OPRL1: variants seen among roughly 807,000 people sequenced by gnomAD.
OPRL1 encodes the protein opioid related nociceptin receptor 1.
A neutral mutation model predicts 15.5 loss-of-function variants in OPRL1; 5 were observed. The ratio of observed to expected loss-of-function variants is 0.32; its 90% confidence interval spans 0.17 to 0.68. The LOEUF (loss-of-function observed/expected upper bound fraction) is 0.68, where lower values mean the gene tolerates loss of function less well. Among genes scored for constraint, OPRL1 ranks in the 30% least tolerant of loss-of-function variants. The pLI, the probability that OPRL1 is intolerant of heterozygous loss-of-function variation, is 0.72. For synonymous variants in OPRL1, 223 were observed against 230.2 expected, an observed-to-expected ratio of 0.97 and a Z score of 0.28; for missense variants, 406 against 515.3, an observed-to-expected ratio of 0.79 and a Z score of 2.05.
In OPRL1 at chr20:64,097,666, G is replaced by A. The variant is rs886154383; in HGVS notation, c.234-136G>A. The A allele has an allele frequency of 2.6e-6, 2 of 754,918 alleles. No homozygotes were observed. Among genetic ancestry groups the A allele is most frequent in the East Asian group, 4.9e-5 (2 of 40,580 alleles). The allele number at this position is 754,918 out of a possible 1,614,324, so 46.8% of individuals were successfully genotyped here. Reference sequence around the variant, plus strand: ...GGGTCCAGGAGCTATCACTTACCAAGCCCCCATGGGAACTCTGATGTTAAG... The same window carrying A: ...GGGTCCAGGAGCTATCACTTACCAAACCCCCATGGGAACTCTGATGTTAAG... On this transcript the variant is annotated intron_variant, in intron 3 of 4. Coordinates refer to ENST00000336866, the MANE Select transcript of OPRL1 (RefSeq NM_182647.4). This position sits in a 1 kb window ranked among gnomAD's most constrained non-coding sequence, Gnocchi z 4.2.
chr20:64,093,160 C>G (rs1037220410), intron 3 of OPRL1, among the ~76,000 whole-genome samples: 1 of 151,700 alleles, frequency 6.6e-6, no homozygotes, highest in Non-Finnish European at 1.5e-5. Flanking sequence ...GGGGGCTGGC[C>G]CTGGCCCACC....
At position 64,083,404 on chromosome 20, in the gene OPRL1, G is replaced by C. The variant is rs1422087178; in HGVS notation, c.-185+3052G>C. 3 of 1,611,640 alleles carry C rather than the reference G, an allele frequency of 1.9e-6. No individual in the cohort carries two copies. The highest frequency in any genetic ancestry group is 3.3e-5 in the Admixed American group (2 of 59,934). On this transcript the variant is annotated intron_variant, in intron 1 of 4. Transcript: ENST00000336866. The surrounding 1 kb of genome is among the most constrained non-coding windows in gnomAD (Gnocchi z 4.9). ...GGAGAATTATAACTTTATGTGGGAGGCTGGGGCGCGTCGCACACTCTCAGT... is the reference window on the plus strand; with the variant it reads ...GGAGAATTATAACTTTATGTGGGAGCCTGGGGCGCGTCGCACACTCTCAGT...
intron 1 of OPRL1, among the ~76,000 whole-genome samples, chr20:64,086,863 G>C (rs1435994098): frequency 6.6e-6 from 1 of 152,180 alleles, no homozygotes. Context: ...GCCAGCCCAG[G>C]GTGGTGAGCC....
At chr20:64,098,228 C>G in intron 4 of OPRL1, 48 bp from the exon 5 acceptor site, 1 of 1,602,102 alleles carries the variant, frequency 6.2e-7, no homozygotes. Flanking sequence ...GGCCCACGTG[C>G]CCTCCACGTC....
At chr20:64,084,358 A>AC (rs1332736168) in intron 1 of OPRL1, 9 of 1,281,328 alleles carry the variant, frequency 7.0e-6, no homozygotes, top group Non-Finnish European at 8.9e-6. Flanking sequence ...TGAGTTCCGC[A>AC]CCCCCAGCCT....
In OPRL1 at chr20:64,097,289, G is replaced by C. The variant is rs1039338601; in HGVS notation, c.234-513G>C. Among the ~76,000 whole-genome samples, 1 of 151,960 alleles carries C rather than the reference G, an allele frequency of 6.6e-6. No individual in the cohort carries two copies. The highest frequency in any genetic ancestry group is 1.5e-5 in the Non-Finnish European group (1 of 68,006). ...CTCCTGTCCCCCCGTCACCATTTTC[G>C]GTCTCCATTGCTAGGCAGCAGTGTG... is the stretch of plus-strand genomic sequence containing the variant. On this transcript the variant is annotated intron_variant, in intron 3 of 4. Coordinates refer to ENST00000336866, the MANE Select transcript of OPRL1 (RefSeq NM_182647.4). This position sits in a 1 kb window ranked among gnomAD's most constrained non-coding sequence, Gnocchi z 4.2.
At chr20:64,081,418 C>G (rs972501609) in intron 1 of OPRL1, among the ~76,000 whole-genome samples, 2 of 152,228 alleles carry the variant, frequency 1.3e-5, no homozygotes, top group African/African-American at 4.8e-5. Flanking sequence ...GGCCTGTTGT[C>G]TCTGCTGTGG....
At position 64,088,736 on chromosome 20, in the gene OPRL1, G is replaced by A. The variant is rs1601634880; in HGVS notation, c.-184-3230G>A. ...CAGAGTGGCCAGGATCTGTGCAAGGGGTAGGATCTGTGCAGAGTGGCCAGG... is the reference window on the plus strand; with the variant it reads ...CAGAGTGGCCAGGATCTGTGCAAGGAGTAGGATCTGTGCAGAGTGGCCAGG... On this transcript the variant is annotated intron_variant, in intron 1 of 4. Coordinates refer to ENST00000336866, the MANE Select transcript of OPRL1 (RefSeq NM_182647.4). Among the ~76,000 whole-genome samples, 33 of 8,608 alleles carry A rather than the reference G, an allele frequency of 3.8e-3. 8 individuals are homozygous for A. Among genetic ancestry groups the A allele is most frequent in the Non-Finnish European group, 4.6e-3 (16 of 3,506 alleles). 5.6% of individuals were successfully genotyped at this position (8,608 alleles called of 152,430 possible). A position where few individuals can be genotyped will look rare whatever the true frequency, so the allele number is the denominator to read the frequency against.
intron 1 of OPRL1, chr20:64,084,428 C>T: frequency 3.2e-6 from 4 of 1,244,980 alleles, no homozygotes; most frequent in Non-Finnish European, 4.0e-6. Context: ...GCTCTGCCAT[C>T]GGCTGATCCT....
At position 64,097,073 on chromosome 20, in the gene OPRL1, T is replaced by C. The variant is rs1242946897; in HGVS notation, c.234-729T>C. Among the ~76,000 whole-genome samples the C allele has an allele frequency of 0.12, 36 of 300 alleles. No homozygotes were observed. The highest frequency in any genetic ancestry group is 0.5 in the East Asian group (1 of 2). The allele number at this position is 300 out of a possible 152,430, so 0.2% of individuals were successfully genotyped here. A position where few individuals can be genotyped will look rare whatever the true frequency, so the allele number is the denominator to read the frequency against. ...ACCATCATCATCATCACCACTACCA[T>C]CACGCTCACAGTCATCACCATCACC... On this transcript the variant is annotated intron_variant, in intron 3 of 4. Coordinates refer to ENST00000336866, the MANE Select transcript of OPRL1 (RefSeq NM_182647.4). The surrounding 1 kb of genome is among the most constrained non-coding windows in gnomAD (Gnocchi z 4.2).
chr20:64,088,654 GGAGGC>G (rs2060081353), intron 1 of OPRL1, among the ~76,000 whole-genome samples: 51 of 69,638 alleles, frequency 7.3e-4, no homozygotes, highest in East Asian at 6.3e-3. Flanking sequence ...ATCTGTGCAG[GGAGGC>G]CAGGATCTGT....
At chr20:64,088,730 GC>G (rs1443481962) in intron 1 of OPRL1, among the ~76,000 whole-genome samples, 1,477 of 11,334 alleles carry the variant, frequency 0.13, 323 homozygotes, top group Middle Eastern at 0.17. Context: ...CAGGATCTGT[GC>G]AAGGGGTAGG....
chr20:64,083,529 G>C lies in OPRL1; in HGVS notation c.-185+3177G>C. ...AGAGAGGCTGGGGTCCGGCGTGTGC[G>C]GAGGCGGGCAGGGCCCCTCCCCTTT... is the stretch of plus-strand genomic sequence containing the variant. On this transcript the variant is annotated intron_variant, in intron 1 of 4. Coordinates refer to ENST00000336866, the MANE Select transcript of OPRL1 (RefSeq NM_182647.4). This position sits in a 1 kb window ranked among gnomAD's most constrained non-coding sequence, Gnocchi z 4.9. 4 of 1,561,634 alleles carry C rather than the reference G, an allele frequency of 2.6e-6. No homozygotes were observed. Among genetic ancestry groups the C allele is most frequent in the Non-Finnish European group, 3.5e-6 (4 of 1,153,670 alleles).
chr20:64,083,776 C>T lies in OPRL1; in HGVS notation c.-185+3424C>T. On this transcript the variant is annotated intron_variant, in intron 1 of 4. Coordinates refer to ENST00000336866, the MANE Select transcript of OPRL1 (RefSeq NM_182647.4). The surrounding 1 kb of genome is among the most constrained non-coding windows in gnomAD (Gnocchi z 4.9). ...CCGCCCCGGCCGGCTCCGCTCAACGCTCCCGGTGCGCCCCCTCTGCCCTCC... is the reference window on the plus strand; with the variant it reads ...CCGCCCCGGCCGGCTCCGCTCAACGTTCCCGGTGCGCCCCCTCTGCCCTCC... 1.5e-6 allele frequency: 2 copies of T among 1,333,982 alleles called. No individual in the cohort carries two copies. The highest frequency in any genetic ancestry group is 1.9e-6 in the Non-Finnish European group (2 of 1,048,128). The allele number at this position is 1,333,982 out of a possible 1,614,324, so 82.6% of individuals were successfully genotyped here.
chr20:64,096,719 CCACCATCAT>C (rs1268455893), intron 3 of OPRL1, among the ~76,000 whole-genome samples: 1 of 151,892 alleles, frequency 6.6e-6, no homozygotes, highest in Non-Finnish European at 1.5e-5. Context: ...ATCACCATCA[CCACCATCAT>C]CACCACTATC....
rs1381325990 is a variant in OPRL1 at position 64,097,481 on chromosome 20, C to A, written c.234-321C>A. Among the ~76,000 whole-genome samples the A allele has an allele frequency of 2.6e-5, 4 of 152,198 alleles. No individual in the cohort carries two copies. The highest frequency in any genetic ancestry group is 2.0e-4 in the Admixed American group (3 of 15,278). On this transcript the variant is annotated intron_variant, in intron 3 of 4. Coordinates refer to ENST00000336866, the MANE Select transcript of OPRL1 (RefSeq NM_182647.4). The surrounding 1 kb of genome is among the most constrained non-coding windows in gnomAD (Gnocchi z 4.2). ...CTAAACCTTTGCTCCTGTGCAGAAT[C>A]CGGGGTGTGTTCTGGTAGCCTACAT...
In OPRL1 at chr20:64,095,416, G is replaced by C. The variant is rs182974166; in HGVS notation, c.234-2386G>C. 2.9e-3 allele frequency among the ~76,000 whole-genome samples: 431 copies of C among 150,914 alleles called. 3 individuals are homozygous for C. Among genetic ancestry groups the C allele is most frequent in the Middle Eastern group, 6.8e-3 (2 of 294 alleles). On this transcript the variant is annotated intron_variant, in intron 3 of 4. Coordinates refer to ENST00000336866, the MANE Select transcript of OPRL1 (RefSeq NM_182647.4). ...TGGGGGGCAGCGTGGGGGTGGGCAA[G>C]GAACCCTTCACGTGGATTGTGGATT...
Position 64,083,831 on chromosome 20 carries a change from T to C in OPRL1, c.-185+3479T>C, listed in dbSNP as rs1448510843. On this transcript the variant is annotated intron_variant, in intron 1 of 4. Coordinates refer to ENST00000336866, the MANE Select transcript of OPRL1 (RefSeq NM_182647.4). The surrounding 1 kb of genome is among the most constrained non-coding windows in gnomAD (Gnocchi z 4.9). ...CCCTCGCCTCACCCGCATGCGGGTG[T>C]AGCGCAGCCGCAGGGCGCGGACTCG... is the stretch of plus-strand genomic sequence containing the variant. 15 of 1,385,230 alleles carry C rather than the reference T, an allele frequency of 1.1e-5. No individual in the cohort carries two copies. Among genetic ancestry groups the C allele is most frequent in the Non-Finnish European group, 1.3e-5 (14 of 1,076,614 alleles). The allele number at this position is 1,385,230 out of a possible 1,614,324, so 85.8% of individuals were successfully genotyped here. A position where few individuals can be genotyped will look rare whatever the true frequency, so the allele number is the denominator to read the frequency against.
rs1332616024 is a variant in OPRL1 at position 64,098,088 on chromosome 20, AT to A, written c.521del (p.Ile174ThrfsTer65). On this transcript the variant is annotated frameshift_variant, in exon 4 of 5. Transcript: ENST00000336866. LOFTEE classifies it high-confidence loss of function. Reference protein sequence around the residue: ...SSKAQAVNVAIWALASVVGVP... With the variant: ...SSKAQAVNVAXWALASVVGVP... ...CAAAGCCCAGGCTGTCAATGTGGCCATCTGGGCCCTGGCCTCTGTTGTCGGT... is the reference window on the plus strand; with the variant it reads ...CAAAGCCCAGGCTGTCAATGTGGCCACTGGGCCCTGGCCTCTGTTGTCGGT... 6.2e-7 allele frequency: 1 copy of A among 1,613,350 alleles called. No individual in the cohort carries two copies. The highest frequency in any genetic ancestry group is 1.7e-5 in the Admixed American group (1 of 60,012).
Sources: allele counts gnomAD v4.1 joint callset (sites outside exome capture counted in the v4.1 genomes callset), GRCh38; gene constraint gnomAD v4.1.1; non-coding constraint Gnocchi (gnomAD v3.1); transcripts MANE v1.5; gene names NCBI Gene and HGNC (gene_info 2026-07-23, HGNC 2026-07-21).